PPP2R1B: variants seen among roughly 807,000 people sequenced by gnomAD.
PPP2R1B encodes protein phosphatase 2 scaffold subunit Abeta.
A neutral mutation model predicts 72.7 loss-of-function variants in PPP2R1B; 58 were observed. That is an observed-to-expected ratio of 0.80 (90% CI 0.65 to 0.99). The LOEUF (loss-of-function observed/expected upper bound fraction) is 0.99. Ranked by LOEUF, PPP2R1B falls within the 50% of genes least tolerant of loss-of-function variation. The probability of loss-of-function intolerance (pLI) is 0.00; values close to 1 mark genes in which losing one functional copy is unlikely to be tolerated. For synonymous variants in PPP2R1B, 256 were observed against 264.6 expected (o/e 0.97, Z 0.32); for missense variants, 695 against 733.6 (o/e 0.95, Z 0.61).
chr11:111,726,915 C>A, exon 16 of PPP2R1B: 1 of 1,580,838 alleles, frequency 6.3e-7, no homozygotes, highest in Non-Finnish European at 8.7e-7. Flanking sequence ...GCAAAAAGTG[C>A]AATATGTGTG....
chr11:111,689,898 G>A, the PPP2R1B span, among the ~76,000 whole-genome samples: 6 of 151,134 alleles, frequency 4.0e-5, no homozygotes, highest in African/African-American at 9.7e-5. Flanking sequence ...TATAGTCTGT[G>A]ATTTTTTTTT....
chr11:111,705,245 G>A, the PPP2R1B span: 4 of 1,206,626 alleles, frequency 3.3e-6, no homozygotes, highest in Non-Finnish European at 4.3e-6. The surrounding 1 kb of genome is among the most constrained non-coding windows in gnomAD (Gnocchi z 4.3). Flanking sequence ...TCTACACTCC[G>A]TTTTTCTGTA....
intron 5 of PPP2R1B, among the ~76,000 whole-genome samples, chr11:111,759,060 C>T (rs1438306749): frequency 6.6e-6 from 1 of 152,122 alleles, no homozygotes. Context: ...TCCTATTAAG[C>T]ACCATTACAG....
intron 4 of PPP2R1B, 64 bp from the exon 5 acceptor site, chr11:111,760,015 C>A: frequency 6.6e-7 from 1 of 1,507,164 alleles, no homozygotes; most frequent in African/African-American, 1.4e-5. Context: ...GCCCCCCATA[C>A]ACACAGACAG....
At chr11:111,705,481 C>T in the PPP2R1B span, among the ~76,000 whole-genome samples, 1 of 152,100 alleles carries the variant, frequency 6.6e-6, no homozygotes, top group African/African-American at 2.4e-5. The surrounding 1 kb of genome is among the most constrained non-coding windows in gnomAD (Gnocchi z 4.3). Context: ...GATATATAAA[C>T]TACAGTCACT....
the PPP2R1B span, chr11:111,701,142 AT>A: frequency 4.9e-6 from 6 of 1,226,040 alleles, no homozygotes; most frequent in Non-Finnish European, 6.6e-6. The surrounding 1 kb of genome is among the most constrained non-coding windows in gnomAD (Gnocchi z 4.2). Flanking sequence ...CTGGACTATA[AT>A]TACTCAGAGC....
chr11:111,708,006 C>A, the PPP2R1B span, among the ~76,000 whole-genome samples: 1 of 152,154 alleles, frequency 6.6e-6, no homozygotes, highest in Admixed American at 6.5e-5. Flanking sequence ...ACTGACATGC[C>A]AGGCACAGTC....
chr11:111,723,606 T>G (rs1326370065), downstream of PPP2R1B: 1 of 1,613,754 alleles, frequency 6.2e-7, no homozygotes, highest in Non-Finnish European at 8.5e-7. Flanking sequence ...CAGCTGCCCC[T>G]TCCCCGCCAG....
the PPP2R1B span, among the ~76,000 whole-genome samples, chr11:111,693,142 G>C: frequency 2.6e-5 from 4 of 152,166 alleles, no homozygotes; most frequent in East Asian, 7.7e-4. Context: ...GACCATCCTG[G>C]CCAACATGGT....
the PPP2R1B span, among the ~76,000 whole-genome samples, chr11:111,692,894 T>C: frequency 2.0e-5 from 3 of 152,070 alleles, no homozygotes; most frequent in Non-Finnish European, 4.4e-5. Context: ...ATCTTGTATA[T>C]TGAAATTGAA....
intron 3 of PPP2R1B, among the ~76,000 whole-genome samples, chr11:111,762,357 C>T (rs1555051646): frequency 1.3e-5 from 2 of 152,126 alleles, no homozygotes; most frequent in Admixed American, 1.3e-4. Flanking sequence ...TTCTCACTTG[C>T]CAATGCATTT....
At chr11:111,713,256 G>A in the PPP2R1B span, among the ~76,000 whole-genome samples, 1 of 152,186 alleles carries the variant, frequency 6.6e-6, no homozygotes, top group Non-Finnish European at 1.5e-5. Flanking sequence ...CTCATTCATA[G>A]ATGTCTCTTT....
In PPP2R1B at chr11:111,739,218, A is replaced by G. The variant is rs1204669710; in HGVS notation, c.*2378T>C. 8.2e-6 allele frequency: 8 copies of G among 978,394 alleles called. No individual in the cohort carries two copies. Among genetic ancestry groups the G allele is most frequent in the Non-Finnish European group, 9.7e-6 (8 of 823,656 alleles). 60.6% of individuals were successfully genotyped at this position (978,394 alleles called of 1,614,324 possible). On this transcript the variant is annotated 3_prime_UTR_variant, in exon 15 of 15. Transcript: ENST00000527614. ...ATTGAGCACCTATTATGTGCACCAG[A>G]CACTGTTCCAGGCACTGGCGATACA...
chr11:111,735,331 A>G (rs1944308026), downstream of PPP2R1B: 1 of 152,234 alleles, frequency 6.6e-6, no homozygotes, highest in African/African-American at 2.4e-5. Context: ...CCTTCCTGCA[A>G]TAACAAGACT....
chr11:111,714,974 G>A, the PPP2R1B span, among the ~76,000 whole-genome samples: 1 of 152,164 alleles, frequency 6.6e-6, no homozygotes, highest in African/African-American at 2.4e-5. Context: ...TGTCTGTGAG[G>A]GCATCAGGCC....
At chr11:111,701,648 T>C in the PPP2R1B span, 1 of 1,533,386 alleles carries the variant, frequency 6.5e-7, no homozygotes, top group East Asian at 2.3e-5. The surrounding 1 kb of genome is among the most constrained non-coding windows in gnomAD (Gnocchi z 4.2). Context: ...AGGTAAAAGC[T>C]TCTTTTTTTC....
At chr11:111,764,774 G>T in intron 3 of PPP2R1B, 31 bp downstream of exon 3, 1 of 1,606,484 alleles carries the variant, frequency 6.2e-7, no homozygotes, top group Non-Finnish European at 8.5e-7. Context: ...AAAAGTTGTA[G>T]AAGGAGGGTA....
At chr11:111,732,439 C>G (rs1944223287) in intron 15 of PPP2R1B, among the ~76,000 whole-genome samples, 1 of 152,158 alleles carries the variant, frequency 6.6e-6, no homozygotes, top group South Asian at 2.1e-4. Context: ...ACCTGTAATC[C>G]CAACACCTTG....
At chr11:111,751,907 G>GTGGA (rs1555048024) in intron 10 of PPP2R1B, among the ~76,000 whole-genome samples, 1 of 152,208 alleles carries the variant, frequency 6.6e-6, no homozygotes, top group African/African-American at 2.4e-5. Flanking sequence ...AACCCAGGAG[G>GTGGA]TGGAGGTTGC....
Sources: allele counts gnomAD v4.1 joint callset (sites outside exome capture counted in the v4.1 genomes callset), GRCh38; gene constraint gnomAD v4.1.1; non-coding constraint Gnocchi (gnomAD v3.1); transcripts MANE v1.5; gene names NCBI Gene and HGNC (gene_info 2026-07-23, HGNC 2026-07-21).